The following SCHIP1 variants were observed in gnomAD, a reference collection of about 807,000 sequenced individuals.
SCHIP1 encodes schwannomin-interacting protein 1.
Under a neutral mutation model 29.7 loss-of-function variants are expected in SCHIP1, and 8 were observed. The observed-to-expected ratio is 0.27, with a 90% CI of 0.16 to 0.49. The LOEUF is 0.49. Among genes scored for constraint, SCHIP1 ranks in the 20% least tolerant of loss-of-function variants. SCHIP1 has a pLI of 0.99. For synonymous variants in SCHIP1, 76 were observed against 94.9 expected (o/e 0.80, Z 1.16); for missense variants, 193 against 294.6 (o/e 0.66, Z 2.52).
chr3:159,705,674 TG>T, the SCHIP1 span, among the ~76,000 whole-genome samples: 1 of 152,102 alleles, frequency 6.6e-6, no homozygotes, highest in South Asian at 2.1e-4. Flanking sequence ...AGGATGGATG[TG>T]AGAATGCCGC....
the SCHIP1 span, among the ~76,000 whole-genome samples, chr3:159,302,291 C>T: frequency 1.3e-5 from 2 of 152,018 alleles, no homozygotes; most frequent in Non-Finnish European, 2.9e-5. Flanking sequence ...TAGCAAAGTA[C>T]TTGGTTTCAA....
At chr3:159,622,651 G>A in the SCHIP1 span, among the ~76,000 whole-genome samples, 3 of 152,258 alleles carry the variant, frequency 2.0e-5, no homozygotes, top group Admixed American at 2.0e-4. Flanking sequence ...GGGCATGGTG[G>A]CTCACACCTG....
At chr3:159,622,701 G>A in the SCHIP1 span, among the ~76,000 whole-genome samples, 172 of 152,004 alleles carry the variant, frequency 1.1e-3, no homozygotes, top group Non-Finnish European at 1.9e-3. Flanking sequence ...GGTGGATCAC[G>A]AGGTCAGGAG....
At chr3:159,334,789 G>C in the SCHIP1 span, among the ~76,000 whole-genome samples, 2 of 151,998 alleles carry the variant, frequency 1.3e-5, no homozygotes, top group Non-Finnish European at 2.9e-5. Flanking sequence ...TGTTAATCTA[G>C]TCTCCAATTT....
chr3:159,582,784 A>G, the SCHIP1 span, among the ~76,000 whole-genome samples: 1 of 80,300 alleles, frequency 1.2e-5, no homozygotes, highest in Non-Finnish European at 2.4e-5. Flanking sequence ...TGAAATATAT[A>G]TATACACACA....
the SCHIP1 span, among the ~76,000 whole-genome samples, chr3:159,628,857 T>G: frequency 6.6e-6 from 1 of 152,170 alleles, no homozygotes; most frequent in African/African-American, 2.4e-5. Flanking sequence ...TTTAAAGATT[T>G]TTTATGTGTA....
the SCHIP1 span, chr3:159,764,785 G>A: frequency 3.2e-6 from 5 of 1,566,474 alleles, no homozygotes; most frequent in Admixed American, 3.7e-5. This position sits in a 1 kb window ranked among gnomAD's most constrained non-coding sequence, Gnocchi z 6.1. Context: ...CGGCGGCGGG[G>A]GCAGGAGCGC....
the SCHIP1 span, among the ~76,000 whole-genome samples, chr3:159,704,555 G>A: frequency 1.3e-5 from 2 of 151,198 alleles, no homozygotes; most frequent in African/African-American, 4.9e-5. Context: ...AAGTAGAAAA[G>A]CAAACATCCT....
At chr3:159,288,315 G>C in the SCHIP1 span, among the ~76,000 whole-genome samples, 2 of 152,268 alleles carry the variant, frequency 1.3e-5, no homozygotes, top group South Asian at 4.1e-4. Flanking sequence ...ACGATGCCTA[G>C]CTAGTATCCC....
At chr3:159,494,523 C>T in the SCHIP1 span, among the ~76,000 whole-genome samples, 37 of 152,238 alleles carry the variant, frequency 2.4e-4, no homozygotes, top group Admixed American at 4.6e-4. Flanking sequence ...ATAAATTCCT[C>T]GACACATACA....
the SCHIP1 span, among the ~76,000 whole-genome samples, chr3:159,806,904 T>C: frequency 1.3e-5 from 2 of 152,114 alleles, no homozygotes; most frequent in Non-Finnish European, 2.9e-5. Flanking sequence ...TGAAAAGGAG[T>C]GACTGGAAAA....
At chr3:159,612,235 A>G in the SCHIP1 span, among the ~76,000 whole-genome samples, 1 of 152,168 alleles carries the variant, frequency 6.6e-6, no homozygotes, top group African/African-American at 2.4e-5. Context: ...AATGACAAAA[A>G]TGAATACTGA....
intron 2 of SCHIP1, among the ~76,000 whole-genome samples, chr3:159,882,230 C>A (rs1034815993): frequency 2.0e-5 from 3 of 152,190 alleles, no homozygotes; most frequent in African/African-American, 4.8e-5. Context: ...GTAACTATAT[C>A]TTGCCTGTAA....
the SCHIP1 span, among the ~76,000 whole-genome samples, chr3:159,496,650 G>A: frequency 6.6e-6 from 1 of 152,200 alleles, no homozygotes; most frequent in Non-Finnish European, 1.5e-5. Flanking sequence ...CTTTTACACT[G>A]TTGGTGGGAC....
the SCHIP1 span, among the ~76,000 whole-genome samples, chr3:159,664,989 T>C: frequency 6.6e-6 from 1 of 152,330 alleles, no homozygotes; most frequent in Non-Finnish European, 1.5e-5. Flanking sequence ...ATGCTTTGGT[T>C]CCAAAGGCCT....
chr3:159,485,382 A>T, the SCHIP1 span, among the ~76,000 whole-genome samples: 1 of 152,190 alleles, frequency 6.6e-6, no homozygotes, highest in Non-Finnish European at 1.5e-5. Flanking sequence ...TTAAGTAAGC[A>T]CGTAGCAAAT....
the SCHIP1 span, among the ~76,000 whole-genome samples, chr3:159,327,808 C>T: frequency 6.6e-6 from 1 of 152,044 alleles, no homozygotes; most frequent in East Asian, 1.9e-4. Context: ...AGAAGAAAAG[C>T]AAAGGAAGCA....
At chr3:159,514,564 G>A in the SCHIP1 span, among the ~76,000 whole-genome samples, 1 of 152,190 alleles carries the variant, frequency 6.6e-6, no homozygotes, top group Non-Finnish European at 1.5e-5. Flanking sequence ...CAGTCAAGCT[G>A]TGGCTCACTT....
At chr3:159,502,339 A>G in the SCHIP1 span, among the ~76,000 whole-genome samples, 3 of 152,176 alleles carry the variant, frequency 2.0e-5, no homozygotes, top group Non-Finnish European at 4.4e-5. Flanking sequence ...GGTGTCTGGC[A>G]CATTGTTTAC....
Sources: gnomAD v4.1 joint callset for allele counts (sites outside exome capture counted in the v4.1 genomes callset) on GRCh38, gnomAD v4.1.1 for gene constraint, Gnocchi (gnomAD v3.1) non-coding constraint, MANE v1.5 for transcripts, NCBI Gene and HGNC (gene_info 2026-07-23, HGNC 2026-07-21) for gene names.